SOAT1: variants seen among roughly 807,000 people sequenced by gnomAD.
SOAT1 encodes the protein sterol O-acyltransferase 1, also known as acyl-coenzyme A:cholesterol acyltransferase 1.
Under a neutral mutation model 69.5 loss-of-function variants are expected in SOAT1, and 55 were observed. The ratio of observed to expected loss-of-function variants is 0.79; its 90% CI spans 0.64 to 0.99. The LOEUF is 0.99. Ranked by LOEUF, SOAT1 falls within the 50% of genes least tolerant of loss-of-function variation. The pLI is 0.00. For synonymous variants in SOAT1, 231 were observed against 224.7 expected, an observed-to-expected ratio of 1.03 and a Z score of -0.25; for missense variants, 580 against 669.3, an observed-to-expected ratio of 0.87 and a Z score of 1.47.
rs186219520 is a variant in SOAT1 at position 179,352,394 on chromosome 1, G to A, written c.1596+932G>A. 4.5e-4 allele frequency among the ~76,000 whole-genome samples: 68 copies of A among 152,030 alleles called. 3 individuals are homozygous for A. The East Asian group carries it at 5.0e-3, about 11-fold the overall frequency. On this transcript the variant is annotated intron_variant, in intron 15 of 15. Transcript: ENST00000367619. Reference sequence around the variant, plus strand: ...AGCTGAAAGTACTGCTTATAGTTATGGATAGAATTTCATGATGGAAACACC... The same window carrying A: ...AGCTGAAAGTACTGCTTATAGTTATAGATAGAATTTCATGATGGAAACACC...
chr1:179,311,216 G>A (rs2251123), intron 2 of SOAT1, among the ~76,000 whole-genome samples: 149,661 of 152,160 alleles, frequency 0.98, 73,655 homozygotes, highest in Middle Eastern at 1. Context: ...AGTAAAAAAA[G>A]TTAGGTGGGC....
At chr1:179,295,466 T>C (rs576054971) in intron 1 of SOAT1, among the ~76,000 whole-genome samples, 1 of 152,324 alleles carries the variant, frequency 6.6e-6, no homozygotes, top group South Asian at 2.1e-4. Flanking sequence ...GTGCATTTCA[T>C]GAAGGCTGGT....
At chr1:179,296,417 C>G (rs890179654) in intron 1 of SOAT1, among the ~76,000 whole-genome samples, 1 of 152,066 alleles carries the variant, frequency 6.6e-6, no homozygotes, top group African/African-American at 2.4e-5. Context: ...GGGAAGAGTC[C>G]CTTTTTCCTA....
At chr1:179,342,790 T>A (rs917465838) in intron 8 of SOAT1, 72 bp from the exon 9 acceptor site, 1 of 1,065,172 alleles carries the variant, frequency 9.4e-7, no homozygotes, top group Non-Finnish European at 1.5e-6. Context: ...TGTGCTTCCT[T>A]ATATTCCCCC....
intron 2 of SOAT1, among the ~76,000 whole-genome samples, chr1:179,315,719 A>G (rs141911901): frequency 0.011 from 1,671 of 152,310 alleles, 13 homozygotes; most frequent in Middle Eastern, 0.031. Context: ...CAGTGGCTGC[A>G]TCTCAAAGCC....
chr1:179,348,461 C>T (rs945118337), intron 12 of SOAT1, among the ~76,000 whole-genome samples: 6 of 152,150 alleles, frequency 3.9e-5, no homozygotes, highest in Non-Finnish European at 8.8e-5. Flanking sequence ...TTAGCACTCT[C>T]TCTGGTCTTC....
chr1:179,335,439 A>T, intron 3 of SOAT1, 67 bp from the exon 4 acceptor site: 2 of 1,399,378 alleles, frequency 1.4e-6, no homozygotes, highest in Non-Finnish European at 2.0e-6. Context: ...GGAGCCCTTT[A>T]GAGAAATGCT....
intron 2 of SOAT1, among the ~76,000 whole-genome samples, chr1:179,314,098 C>A (rs969037299): frequency 5.9e-5 from 9 of 152,158 alleles, no homozygotes; most frequent in Middle Eastern, 3.2e-3. Flanking sequence ...ATGTTTCTAG[C>A]ATTTGTTCAC....
At chr1:179,351,546 G>C in intron 15 of SOAT1, 84 bp downstream of exon 15, 1 of 1,258,618 alleles carries the variant, frequency 7.9e-7, no homozygotes, top group East Asian at 2.3e-5. Context: ...GAGGAGCACA[G>C]TAGTGGAGAT....
At chr1:179,353,082 ATATT>A (rs1353585192) in intron 15 of SOAT1, among the ~76,000 whole-genome samples, 2 of 142,698 alleles carry the variant, frequency 1.4e-5, no homozygotes, top group Non-Finnish European at 3.0e-5. Context: ...ATTTATGTAT[ATATT>A]AGTCATTTAT....
At chr1:179,309,305 A>G (rs1665138541) in intron 2 of SOAT1, among the ~76,000 whole-genome samples, 1 of 152,128 alleles carries the variant, frequency 6.6e-6, no homozygotes, top group Non-Finnish European at 1.5e-5. Context: ...GCTGGTCTCG[A>G]ACTCCTGACC....
chr1:179,327,847 G>C (rs372285256), intron 3 of SOAT1, among the ~76,000 whole-genome samples: 16 of 152,278 alleles, frequency 1.1e-4, no homozygotes, highest in African/African-American at 3.8e-4. Context: ...GTTGAAATTA[G>C]TGGTTTGAAC....
chr1:179,339,304 T>C (rs1200400266), intron 5 of SOAT1, 134 bp from the exon 6 acceptor site: 4 of 503,854 alleles, frequency 7.9e-6, no homozygotes, highest in African/African-American at 2.0e-5. Context: ...GACCATTCTT[T>C]TTTGAGATGT....
intron 15 of SOAT1, among the ~76,000 whole-genome samples, chr1:179,353,209 A>ATATATATATATAAATATATATATATT (rs1666796275): frequency 1.8e-5 from 1 of 55,494 alleles, no homozygotes; most frequent in African/African-American, 7.2e-5. Flanking sequence ...TTATATATAA[A>ATATATATATATAAATATATATATATT]TATATATATA....
rs1666832042 is a variant in SOAT1, at chr1:179,354,022, G to C, written c.*381G>C. On this transcript the variant is annotated 3_prime_UTR_variant, in exon 16 of 16. Transcript: ENST00000367619. The stretch of plus-strand genomic sequence containing the variant: ...GCCACTGAATTAGCCAAAACACTTA[G>C]GAAGAAATCACTTAAATACCTCTGG... 1 of 175,654 alleles carries C rather than the reference G, an allele frequency of 5.7e-6. No homozygotes were observed. The highest frequency in any genetic ancestry group is 2.4e-5 in the African/African-American group (1 of 41,890). 10.9% of individuals were successfully genotyped at this position (175,654 alleles called of 1,614,324 possible).
chr1:179,326,037 C>T (rs1199580960), intron 3 of SOAT1, among the ~76,000 whole-genome samples: 1 of 151,946 alleles, frequency 6.6e-6, no homozygotes, highest in Non-Finnish European at 1.5e-5. Context: ...AGACTTGTTC[C>T]CTGATGTTAA....
At chr1:179,299,326 T>C (rs752316766) in intron 1 of SOAT1, among the ~76,000 whole-genome samples, 9 of 152,194 alleles carry the variant, frequency 5.9e-5, no homozygotes, top group Non-Finnish European at 1.2e-4. Context: ...ATAATACTTA[T>C]CTAAGGTTGT....
At chr1:179,344,893 C>T in intron 10 of SOAT1, 54 bp from the exon 11 acceptor site, 1 of 1,595,702 alleles carries the variant, frequency 6.3e-7, no homozygotes, top group Non-Finnish European at 8.6e-7. Flanking sequence ...AAAAAAATCG[C>T]CTTCCATCTT....
chr1:179,312,649 A>T (rs919358080), intron 2 of SOAT1, among the ~76,000 whole-genome samples: 3 of 152,208 alleles, frequency 2.0e-5, no homozygotes, highest in East Asian at 3.8e-4. Flanking sequence ...AGGCTTGGCC[A>T]GTGGGAGAAC....
Sources: gnomAD v4.1 joint callset for allele counts (sites outside exome capture counted in the v4.1 genomes callset) on GRCh38, gnomAD v4.1.1 for gene constraint, MANE v1.5 for transcripts, NCBI Gene and HGNC (gene_info 2026-07-23, HGNC 2026-07-21) for gene names.